Variants in ZHX3 observed in about 807,000 individuals in gnomAD.
ZHX3 encodes the protein zinc fingers and homeoboxes protein 3.
Under a neutral mutation model 64.5 loss-of-function variants are expected in ZHX3, and 20 were observed. The observed-to-expected ratio is 0.31, with a 90% CI of 0.22 to 0.45. The LOEUF (loss-of-function observed/expected upper bound fraction) is 0.45, where lower values mean the gene tolerates loss of function less well. ZHX3 is among the 20% of genes least tolerant of loss of function. The pLI is 1.00. For synonymous variants in ZHX3, 423 were observed against 461.6 expected (o/e 0.92, Z 1.07); for missense variants, 1,041 against 1,195.8 (o/e 0.87, Z 1.91).
At chr20:41,233,689 A>G (rs1478039331) in intron 2 of ZHX3, among the ~76,000 whole-genome samples, 1 of 152,236 alleles carries the variant, frequency 6.6e-6, no homozygotes, top group African/African-American at 2.4e-5. Flanking sequence ...TGCCAAGAAC[A>G]GAGGAAAAAG....
chr20:41,248,706 C>T (rs1432198376), intron 2 of ZHX3, among the ~76,000 whole-genome samples: 1 of 152,180 alleles, frequency 6.6e-6, no homozygotes, highest in Admixed American at 6.5e-5. Flanking sequence ...AAGCTCCCTC[C>T]TCTGTGGAAT....
intron 1 of ZHX3, among the ~76,000 whole-genome samples, chr20:41,313,590 G>A (rs1050762467): frequency 6.9e-6 from 1 of 145,972 alleles, no homozygotes; most frequent in Non-Finnish European, 1.5e-5. Context: ...CATACTTTTA[G>A]GCCTTTTTTT....
At chr20:41,281,236 C>T (rs2043662091) in intron 1 of ZHX3, among the ~76,000 whole-genome samples, 1 of 148,684 alleles carries the variant, frequency 6.7e-6, no homozygotes, top group Admixed American at 6.7e-5. Flanking sequence ...TCATATATCC[C>T]TAAAACTGTT....
At chr20:41,225,862 A>C (rs2040233770) in intron 2 of ZHX3, among the ~76,000 whole-genome samples, 1 of 152,190 alleles carries the variant, frequency 6.6e-6, no homozygotes, top group East Asian at 1.9e-4. Flanking sequence ...GATGCCCAGA[A>C]CTTTTTAATC....
At chr20:41,286,742 GCT>G (rs1392647207) in intron 1 of ZHX3, among the ~76,000 whole-genome samples, 6 of 152,204 alleles carry the variant, frequency 3.9e-5, no homozygotes, top group Admixed American at 3.9e-4. Context: ...ACAGAGTTTT[GCT>G]CTGTGTCCCC....
intron 1 of ZHX3, among the ~76,000 whole-genome samples, chr20:41,301,556 T>C (rs930715181): frequency 4.6e-5 from 7 of 152,166 alleles, no homozygotes; most frequent in African/African-American, 1.7e-4. Context: ...CCCTTCCTCC[T>C]TTACCAGGAA....
At chr20:41,259,789 C>T (rs138554545) in intron 2 of ZHX3, among the ~76,000 whole-genome samples, 132 of 152,192 alleles carry the variant, frequency 8.7e-4, no homozygotes, top group Non-Finnish European at 1.1e-3. Flanking sequence ...ATAGGATTAT[C>T]GGGTGAATTT....
chr20:41,207,739 G>A (rs2038838333), intron 2 of ZHX3, among the ~76,000 whole-genome samples: 1 of 152,204 alleles, frequency 6.6e-6, no homozygotes, highest in Non-Finnish European at 1.5e-5. Context: ...ACAAGAGAAA[G>A]CAGGAAATAT....
rs1250539666 is a variant in ZHX3 at position 41,219,702 on chromosome 20, G to C, written c.-150-14636C>G. Reference sequence around the variant, plus strand: ...CTCAAGAAGCTAACAGTCTGTTGTGGTTATTAAGCTATCCACCAGGGCTCT... The same window carrying C: ...CTCAAGAAGCTAACAGTCTGTTGTGCTTATTAAGCTATCCACCAGGGCTCT... On this transcript the variant is annotated intron_variant, in intron 2 of 3. Coordinates refer to ENST00000683867, the MANE Select transcript of ZHX3 (RefSeq NM_001384317.1). The surrounding 1 kb of genome is among the most constrained non-coding windows in gnomAD (Gnocchi z 5.0). Among the ~76,000 whole-genome samples the C allele has an allele frequency of 2.0e-5, 3 of 152,258 alleles. No homozygotes were observed. The highest frequency in any genetic ancestry group is 2.9e-5 in the Non-Finnish European group (2 of 68,046).
In ZHX3 at chr20:41,181,662, G is replaced by A. The variant is rs1230529586; in HGVS notation, c.*3529C>T. 6.6e-6 allele frequency: 1 copy of A among 152,314 alleles called. No individual in the cohort carries two copies. Among genetic ancestry groups the A allele is most frequent in the African/African-American group, 2.4e-5 (1 of 41,452 alleles). 9.4% of individuals were successfully genotyped at this position (152,314 alleles called of 1,614,324 possible). ...ATGTCCCAGAGCCAGGAGAGAGAGG[G>A]AGAGAACACAGGACCTGCCCCTAGG... On this transcript the variant is annotated 3_prime_UTR_variant, in exon 4 of 4. Coordinates refer to ENST00000683867, the MANE Select transcript of ZHX3 (RefSeq NM_001384317.1).
At chr20:41,248,398 G>A (rs919428564) in intron 2 of ZHX3, among the ~76,000 whole-genome samples, 1 of 152,084 alleles carries the variant, frequency 6.6e-6, no homozygotes, top group Non-Finnish European at 1.5e-5. Context: ...TTTGCACAGA[G>A]CAGTTACTTG....
At chr20:41,298,022 T>C (rs1488672240) in intron 1 of ZHX3, among the ~76,000 whole-genome samples, 2 of 152,178 alleles carry the variant, frequency 1.3e-5, no homozygotes, top group African/African-American at 2.4e-5. Flanking sequence ...GCACCCGCCA[T>C]GTGCAGAGGG....
rs1279998245 is a variant in ZHX3, at chr20:41,204,657, T to C, written c.260A>G (p.His87Arg). The C allele has an allele frequency of 1.9e-6, 3 of 1,614,124 alleles. No homozygotes were observed. Among genetic ancestry groups the C allele is most frequent in the East Asian group, 4.5e-5 (2 of 44,902 alleles). Residue 87 changes from histidine (H) to arginine (R), a missense_variant, in exon 3 of 4, where the codon CAT becomes CGT. Transcript: ENST00000683867. This position sits in a 1 kb window ranked among gnomAD's most constrained non-coding sequence, Gnocchi z 6.6. ...ATGTCCCACAAATTGGGTCATGTCA[T>C]GGGATCTGAAATCGCAGTATTTACA... ...YSCKYCDFRS[H>R]DMTQFVGHMN...
At chr20:41,234,633 GAGGGAAAA>G (rs1381443110) in intron 2 of ZHX3, among the ~76,000 whole-genome samples, 1 of 152,208 alleles carries the variant, frequency 6.6e-6, no homozygotes, top group Non-Finnish European at 1.5e-5. Flanking sequence ...ACTGCCTCGC[GAGGGAAAA>G]AGGGAAACCC....
chr20:41,254,933 C>A (rs1160386100), intron 2 of ZHX3, among the ~76,000 whole-genome samples: 1 of 151,986 alleles, frequency 6.6e-6, no homozygotes, highest in Admixed American at 6.6e-5. Flanking sequence ...CTACAATGGG[C>A]AGGCGATACC....
chr20:41,189,371 G>GA (rs1224183478), intron 3 of ZHX3, among the ~76,000 whole-genome samples: 6 of 152,050 alleles, frequency 3.9e-5, no homozygotes, highest in African/African-American at 1.4e-4. Flanking sequence ...CTACTCCTGT[G>GA]AAAAAATCAC....
rs929364284 is a variant in ZHX3, at chr20:41,181,300, G to A, written c.*3891C>T. 1 of 152,188 alleles carries A rather than the reference G, an allele frequency of 6.6e-6. No homozygotes were observed. The highest frequency in any genetic ancestry group is 2.4e-5 in the African/African-American group (1 of 41,428). 9.4% of individuals were successfully genotyped at this position (152,188 alleles called of 1,614,324 possible). On this transcript the variant is annotated 3_prime_UTR_variant, in exon 4 of 4. Coordinates refer to ENST00000683867, the MANE Select transcript of ZHX3 (RefSeq NM_001384317.1). ...ACTACCTTGAGAATGGATGTGATAT[G>A]TGAAAATTTAAATTTAATACAAAAG...
intron 2 of ZHX3, chr20:41,254,635 T>C (rs902953151): frequency 2.0e-5 from 3 of 152,252 alleles, no homozygotes; most frequent in Admixed American, 1.3e-4. Context: ...AGTTTCCTCA[T>C]CTGTAAAATA....
In ZHX3 at chr20:41,182,499, T is replaced by TCG. The variant is rs1330040140; in HGVS notation, c.*2691_*2692insCG. On this transcript the variant is annotated 3_prime_UTR_variant, in exon 4 of 4. Transcript: ENST00000683867. The surrounding 1 kb of genome is among the most constrained non-coding windows in gnomAD (Gnocchi z 6.1). ...GCCACTGGGCTAGTGTGGGTGTGTCTCTGTGCACGACTGGCTGGATTCAGG... is the reference window on the plus strand; with the variant it reads ...GCCACTGGGCTAGTGTGGGTGTGTCTCGCTGTGCACGACTGGCTGGATTCAGG... 1 of 152,292 alleles carries TCG rather than the reference T, an allele frequency of 6.6e-6. No individual in the cohort carries two copies. The highest frequency in any genetic ancestry group is 1.5e-5 in the Non-Finnish European group (1 of 68,082). 9.4% of individuals were successfully genotyped at this position (152,292 alleles called of 1,614,324 possible).
Sources: allele counts gnomAD v4.1 joint callset (sites outside exome capture counted in the v4.1 genomes callset), GRCh38; gene constraint gnomAD v4.1.1; non-coding constraint Gnocchi (gnomAD v3.1); transcripts MANE v1.5; gene names NCBI Gene and HGNC (gene_info 2026-07-23, HGNC 2026-07-21).